The following ZBTB7C variants were observed in gnomAD, a reference collection of about 807,000 sequenced individuals.
ZBTB7C encodes the protein zinc finger and BTB domain containing 7C.
Under a neutral mutation model 25.7 loss-of-function variants are expected in ZBTB7C, and 8 were observed. That is an observed-to-expected ratio of 0.31 (90% confidence interval 0.18 to 0.56). The LOEUF is 0.56. Ranked by LOEUF, ZBTB7C falls within the 20% of genes least tolerant of loss-of-function variation. ZBTB7C has a pLI of 0.91. For missense variants in ZBTB7C, 824 were observed against 855.2 expected, an observed-to-expected ratio of 0.96 and a Z score of 0.46; for synonymous variants, 394 against 369.0, an observed-to-expected ratio of 1.07 and a Z score of -0.78.
chr18:48,330,936 A>G (rs1217222565), intron 2 of ZBTB7C, among the ~76,000 whole-genome samples: 1 of 152,202 alleles, frequency 6.6e-6, no homozygotes, highest in East Asian at 1.9e-4. Context: ...TGTTCCAACC[A>G]AGTGATCCAT....
At chr18:48,211,318 A>G (rs1415105281) in intron 2 of ZBTB7C, among the ~76,000 whole-genome samples, 1 of 152,170 alleles carries the variant, frequency 6.6e-6, no homozygotes, top group Non-Finnish European at 1.5e-5. Flanking sequence ...GGCACAACCC[A>G]TAAAAGAAAC....
chr18:48,232,246 G>C (rs1319424826), intron 2 of ZBTB7C, among the ~76,000 whole-genome samples: 1 of 152,204 alleles, frequency 6.6e-6, no homozygotes, highest in Non-Finnish European at 1.5e-5. Flanking sequence ...GCATCCATCA[G>C]CCAAAGAACA....
intron 3 of ZBTB7C, chr18:48,083,878 A>G: frequency 7.1e-6 from 7 of 985,422 alleles, no homozygotes; most frequent in Non-Finnish European, 8.4e-6. Context: ...TCCCTGAAGA[A>G]AGGAAGAGCT....
chr18:48,126,631 G>A (rs377177091), intron 3 of ZBTB7C, among the ~76,000 whole-genome samples: 1 of 152,194 alleles, frequency 6.6e-6, no homozygotes, highest in African/African-American at 2.4e-5. Context: ...CTTGTTATTT[G>A]AATGGCATGT....
At chr18:48,389,587 T>C (rs1183765406) in intron 1 of ZBTB7C, among the ~76,000 whole-genome samples, 1 of 151,788 alleles carries the variant, frequency 6.6e-6, no homozygotes, top group Non-Finnish European at 1.5e-5. Flanking sequence ...AGGATTTCTC[T>C]TGGGTGTTCC....
In ZBTB7C at chr18:48,315,335, G is replaced by A. The variant is rs548649485; in HGVS notation, c.-79+22839C>T. On this transcript the variant is annotated intron_variant, in intron 2 of 4. Transcript: ENST00000590800. ...CCCCAACAGGACACAGGGAAATGGCGGAAGGTTTTCTGTGATCTAGTGAGG... is the reference window on the plus strand; with the variant it reads ...CCCCAACAGGACACAGGGAAATGGCAGAAGGTTTTCTGTGATCTAGTGAGG... 4.6e-5 allele frequency among the ~76,000 whole-genome samples: 7 copies of A among 152,286 alleles called. No homozygotes were observed. The East Asian group carries it at 5.8e-4, about 13-fold the overall frequency.
intron 1 of ZBTB7C, among the ~76,000 whole-genome samples, chr18:48,393,672 C>A (rs2047954150): frequency 1.3e-5 from 2 of 152,102 alleles, no homozygotes; most frequent in Non-Finnish European, 2.9e-5. Context: ...CACACACGCA[C>A]ACAGAGGACT....
chr18:48,190,230 A>C (rs953867623), intron 2 of ZBTB7C, among the ~76,000 whole-genome samples: 1 of 152,242 alleles, frequency 6.6e-6, no homozygotes, highest in Admixed American at 6.5e-5. Flanking sequence ...AGCAAGAAGA[A>C]GACTAAGTGT....
intron 3 of ZBTB7C, among the ~76,000 whole-genome samples, chr18:48,157,220 T>A (rs1309998428): frequency 1.3e-5 from 2 of 152,102 alleles, no homozygotes; most frequent in African/African-American, 4.8e-5. Context: ...GCAAGAAGAA[T>A]CATATAAATA....
At chr18:48,323,836 T>TATTTACAACTGTGAATAAATGAGACATC (rs2046153099) in intron 2 of ZBTB7C, among the ~76,000 whole-genome samples, 1 of 152,014 alleles carries the variant, frequency 6.6e-6, no homozygotes, top group South Asian at 2.1e-4. Context: ...AATGAGACAT[T>TATTTACAACTGTGAATAAATGAGACATC]TATTTACAAC....
rs2035611087 is a variant in ZBTB7C at position 48,029,026 on chromosome 18, G to A, written c.*234C>T. 1 of 557,834 alleles carries A rather than the reference G, an allele frequency of 1.8e-6. No homozygotes were observed. The highest frequency in any genetic ancestry group is 3.0e-6 in the Non-Finnish European group (1 of 335,326). 34.6% of individuals were successfully genotyped at this position (557,834 alleles called of 1,614,324 possible). On this transcript the variant is annotated 3_prime_UTR_variant, in exon 5 of 5. Transcript: ENST00000590800. ...TTCTATATGAGAGCCAGAGAGACAG[G>A]GAGGGAGGCCCGGGCTCCTGGCCTT...
intron 3 of ZBTB7C, among the ~76,000 whole-genome samples, chr18:48,170,435 C>T (rs918275701): frequency 1.3e-5 from 2 of 152,196 alleles, no homozygotes; most frequent in Non-Finnish European, 2.9e-5. Context: ...CTGAGATCCA[C>T]CCACCTGCAG....
Position 48,029,082 on chromosome 18 carries a change from A to C in ZBTB7C, c.*178T>G. The C allele has an allele frequency of 5.5e-6, 5 of 902,132 alleles. No homozygotes were observed. The highest frequency in any genetic ancestry group is 7.8e-6 in the Non-Finnish European group (5 of 643,584). 55.9% of individuals were successfully genotyped at this position (902,132 alleles called of 1,614,324 possible). ...AAAAGATGCCCGTCTCAGACCAGCAAAAGGAGGCAGCTGCTTTAGGAGCCC... is the reference window on the plus strand; with the variant it reads ...AAAAGATGCCCGTCTCAGACCAGCACAAGGAGGCAGCTGCTTTAGGAGCCC... On this transcript the variant is annotated 3_prime_UTR_variant, in exon 5 of 5. Transcript: ENST00000590800.
intron 3 of ZBTB7C, among the ~76,000 whole-genome samples, chr18:48,174,085 C>T (rs2041589261): frequency 6.6e-6 from 1 of 152,202 alleles, no homozygotes; most frequent in Non-Finnish European, 1.5e-5. Context: ...CTTCTATAAC[C>T]TGGCTGTAAG....
chr18:48,322,901 C>A (rs546491445), intron 2 of ZBTB7C, among the ~76,000 whole-genome samples: 7 of 152,200 alleles, frequency 4.6e-5, no homozygotes, highest in Admixed American at 4.6e-4. Flanking sequence ...TTCACAGCAA[C>A]CTGGATGGGA....
chr18:48,290,099 T>C (rs2045177665), intron 2 of ZBTB7C, among the ~76,000 whole-genome samples: 1 of 152,218 alleles, frequency 6.6e-6, no homozygotes, highest in Non-Finnish European at 1.5e-5. Flanking sequence ...TTCAAAGAGA[T>C]AATTAATTCA....
chr18:48,253,648 A>G (rs1203472010), intron 2 of ZBTB7C, among the ~76,000 whole-genome samples: 4 of 152,182 alleles, frequency 2.6e-5, no homozygotes, highest in Non-Finnish European at 5.9e-5. Context: ...AGAGAGAGAA[A>G]GAACCTCAGA....
intron 3 of ZBTB7C, among the ~76,000 whole-genome samples, chr18:48,164,709 G>A (rs2041182199): frequency 6.6e-6 from 1 of 152,088 alleles, no homozygotes; most frequent in South Asian, 2.1e-4. Context: ...GCCTTCTCTG[G>A]ATCTCTCAGA....
intron 1 of ZBTB7C, among the ~76,000 whole-genome samples, chr18:48,404,800 C>T (rs142932574): frequency 3.9e-5 from 6 of 152,242 alleles, no homozygotes; most frequent in Admixed American, 1.3e-4. Flanking sequence ...ATGCCCAGCC[C>T]GCAGCATTCA....
Sources: gnomAD v4.1 joint callset for allele counts (sites outside exome capture counted in the v4.1 genomes callset) on GRCh38, gnomAD v4.1.1 for gene constraint, MANE v1.5 for transcripts, NCBI Gene and HGNC (gene_info 2026-07-23, HGNC 2026-07-21) for gene names.